The following PTPRR variants were observed in gnomAD, a reference collection of about 807,000 sequenced individuals.
The protein encoded by PTPRR is receptor-type tyrosine-protein phosphatase R.
Under a neutral mutation model 77.2 loss-of-function variants are expected in PTPRR, and 38 were observed. That is an observed-to-expected ratio of 0.49 (90% CI 0.38 to 0.65). PTPRR has a LOEUF of 0.65. Ranked by LOEUF, PTPRR falls within the 30% of genes least tolerant of loss-of-function variation. The probability of loss-of-function intolerance (pLI) is 0.00; values close to 1 mark genes in which losing one functional copy is unlikely to be tolerated. For missense variants in PTPRR, 744 were observed against 799.2 expected (o/e 0.93, Z 0.83); for synonymous variants, 299 against 283.1 (o/e 1.06, Z -0.57).
chr12:70,830,963 A>G (rs561104178), intron 2 of PTPRR, among the ~76,000 whole-genome samples: 2 of 152,362 alleles, frequency 1.3e-5, no homozygotes, highest in African/African-American at 4.8e-5. Context: ...TGACATATAC[A>G]GTGTTGATAA....
intron 6 of PTPRR, among the ~76,000 whole-genome samples, chr12:70,707,752 T>C (rs6581958): frequency 0.47 from 71,534 of 151,904 alleles, 18,355 homozygotes; most frequent in Middle Eastern, 0.57. Flanking sequence ...CTGATATTGA[T>C]GTAGCTCAAA....
rs189246561 is a variant in PTPRR at position 70,889,358 on chromosome 12, A to G, written c.357+3321T>C. ...TTTCAAAGCCCTTCACATAATGTCT[A>G]GAGATTATCACTTTACTTATAAGAT... On this transcript the variant is annotated intron_variant, in intron 2 of 13. Transcript: ENST00000283228. Among the ~76,000 whole-genome samples the G allele has an allele frequency of 2.7e-5, 4 of 149,226 alleles. No homozygotes were observed. The East Asian group carries it at 7.7e-4, about 29-fold the overall frequency.
intron 1 of PTPRR, among the ~76,000 whole-genome samples, chr12:70,904,375 G>GT (rs1456704000): frequency 6.6e-6 from 1 of 151,610 alleles, no homozygotes; most frequent in African/African-American, 2.4e-5. Context: ...CCACTCATCA[G>GT]TAAAAAAAAG....
chr12:70,849,368 T>C (rs1892537221), intron 2 of PTPRR, among the ~76,000 whole-genome samples: 1 of 152,210 alleles, frequency 6.6e-6, no homozygotes. Context: ...GAAGAAAGGT[T>C]TGGAGGGAAT....
chr12:70,676,494 T>G (rs988816523), intron 10 of PTPRR, among the ~76,000 whole-genome samples: 14 of 152,056 alleles, frequency 9.2e-5, no homozygotes, highest in African/African-American at 3.4e-4. Flanking sequence ...TTCTGATTTT[T>G]TCTCATGGTT....
chr12:70,815,148 A>AC (rs1891880455), intron 2 of PTPRR, among the ~76,000 whole-genome samples: 1 of 119,750 alleles, frequency 8.4e-6, no homozygotes, highest in African/African-American at 2.7e-5. Context: ...AAAAAAAAAA[A>AC]CCCACGTGTC....
chr12:70,852,943 G>T (rs1243846078), intron 2 of PTPRR, among the ~76,000 whole-genome samples: 1 of 152,118 alleles, frequency 6.6e-6, no homozygotes, highest in Non-Finnish European at 1.5e-5. Flanking sequence ...GCTTTCAAAA[G>T]AAGTTCTGTC....
At chr12:70,883,031 G>A (rs1000817347) in intron 2 of PTPRR, among the ~76,000 whole-genome samples, 1 of 152,150 alleles carries the variant, frequency 6.6e-6, no homozygotes, top group Non-Finnish European at 1.5e-5. Flanking sequence ...CCAGCACTTT[G>A]GGAGTCTGAG....
At chr12:70,842,861 T>C (rs1327414484) in intron 2 of PTPRR, among the ~76,000 whole-genome samples, 1 of 152,190 alleles carries the variant, frequency 6.6e-6, no homozygotes, top group Non-Finnish European at 1.5e-5. Flanking sequence ...CAGCAAGACA[T>C]TTAAAACTGT....
chr12:70,710,497 G>A (rs1022691519), intron 6 of PTPRR, among the ~76,000 whole-genome samples: 1 of 151,996 alleles, frequency 6.6e-6, no homozygotes, highest in Non-Finnish European at 1.5e-5. Context: ...AAGGACATAG[G>A]CATTTCATGA....
intron 1 of PTPRR, among the ~76,000 whole-genome samples, chr12:70,919,687 T>G (rs1385207720): frequency 4.0e-5 from 2 of 49,584 alleles, no homozygotes; most frequent in East Asian, 1.8e-3. Context: ...TTTTTTTTTT[T>G]TTTTTTTTTT....
chr12:70,769,532 C>T (rs1418784845), intron 2 of PTPRR, among the ~76,000 whole-genome samples: 1 of 152,160 alleles, frequency 6.6e-6, no homozygotes, highest in African/African-American at 2.4e-5. Context: ...AATGGAAGAA[C>T]ATTCCATGCT....
intron 2 of PTPRR, among the ~76,000 whole-genome samples, chr12:70,870,921 C>T (rs1190957824): frequency 6.6e-6 from 1 of 152,136 alleles, no homozygotes; most frequent in African/African-American, 2.4e-5. Flanking sequence ...CAGACTTGTT[C>T]TTGAATAAAA....
chr12:70,891,056 AC>A (rs1893327925), intron 2 of PTPRR, among the ~76,000 whole-genome samples: 2 of 152,260 alleles, frequency 1.3e-5, no homozygotes, highest in Admixed American at 1.3e-4. Context: ...GTTGCCAGCT[AC>A]CAAAGCCACA....
At chr12:70,840,935 TA>T (rs1284850262) in intron 2 of PTPRR, among the ~76,000 whole-genome samples, 2 of 150,616 alleles carry the variant, frequency 1.3e-5, no homozygotes, top group South Asian at 2.1e-4. Flanking sequence ...ATCAATGTGG[TA>T]AGACCAACTG....
intron 6 of PTPRR, among the ~76,000 whole-genome samples, chr12:70,709,751 A>T (rs1350545348): frequency 6.6e-6 from 1 of 152,150 alleles, no homozygotes. Context: ...TTGCCCCAAA[A>T]GGATAAAATA....
At chr12:70,828,854 CG>C (rs1427601606) in intron 2 of PTPRR, among the ~76,000 whole-genome samples, 3 of 152,066 alleles carry the variant, frequency 2.0e-5, no homozygotes, top group Admixed American at 6.5e-5. Context: ...ATTTGTGGGG[CG>C]GGGGACTCAA....
intron 2 of PTPRR, among the ~76,000 whole-genome samples, chr12:70,869,286 C>G (rs1892919967): frequency 6.6e-6 from 1 of 151,968 alleles, no homozygotes; most frequent in African/African-American, 2.4e-5. Flanking sequence ...TATGTCTGGT[C>G]CAGTTTGTGG....
intron 2 of PTPRR, among the ~76,000 whole-genome samples, chr12:70,793,170 A>G (rs74101600): frequency 0.019 from 2,831 of 152,274 alleles, 90 homozygotes; most frequent in African/African-American, 0.064. Context: ...AACAGCAGAA[A>G]CAATAGCAAA....
Sources: gnomAD v4.1 joint callset for allele counts (sites outside exome capture counted in the v4.1 genomes callset) on GRCh38, gnomAD v4.1.1 for gene constraint, MANE v1.5 for transcripts, NCBI Gene and HGNC (gene_info 2026-07-23, HGNC 2026-07-21) for gene names.